The following CLVS1 variants were observed in gnomAD, a reference collection of about 807,000 sequenced individuals.
CLVS1 encodes clavesin-1.
A neutral mutation model predicts 33.1 loss-of-function variants in CLVS1; 10 were observed. That is an observed-to-expected ratio of 0.30 (90% CI 0.19 to 0.51). CLVS1 has a LOEUF of 0.51. CLVS1 is among the 20% of genes least tolerant of loss of function. The pLI is 0.97. For missense variants in CLVS1, 343 were observed against 433.4 expected, an observed-to-expected ratio of 0.79 and a Z score of 1.85; for synonymous variants, 163 against 166.1, an observed-to-expected ratio of 0.98 and a Z score of 0.14.
chr8:60,966,962 T>G, the CLVS1 span, among the ~76,000 whole-genome samples: 1 of 152,164 alleles, frequency 6.6e-6, no homozygotes, highest in East Asian at 1.9e-4. Context: ...GTTATGATAA[T>G]TAACATGCCA....
At chr8:60,986,698 G>A in the CLVS1 span, among the ~76,000 whole-genome samples, 2 of 152,222 alleles carry the variant, frequency 1.3e-5, no homozygotes, top group African/African-American at 4.8e-5. Context: ...CAACATTTAT[G>A]TATATGCTTG....
At chr8:61,073,528 C>G (rs1804840682) in intron 1 of CLVS1, among the ~76,000 whole-genome samples, 1 of 152,150 alleles carries the variant, frequency 6.6e-6, no homozygotes, top group Non-Finnish European at 1.5e-5. Context: ...TTCACTTATT[C>G]TTTCCCCATT....
At chr8:61,495,183 A>T (rs959801329) in intron 5 of CLVS1, among the ~76,000 whole-genome samples, 1 of 152,018 alleles carries the variant, frequency 6.6e-6, no homozygotes, top group Non-Finnish European at 1.5e-5. Context: ...GTGAAAGATA[A>T]TTTTTTTCTT....
At chr8:61,063,296 A>AGAGAGAGAGAGG (rs2129278328) in intron 1 of CLVS1, among the ~76,000 whole-genome samples, 1 of 94,740 alleles carries the variant, frequency 1.1e-5, no homozygotes, top group East Asian at 3.0e-4. Context: ...AGAGAGAGAT[A>AGAGAGAGAGAGG]GAGAGAGAGA....
At chr8:61,447,541 T>C (rs935295794) in intron 3 of CLVS1, among the ~76,000 whole-genome samples, 5 of 151,956 alleles carry the variant, frequency 3.3e-5, no homozygotes, top group Non-Finnish European at 7.4e-5. Context: ...TAAATATATC[T>C]TTTCATGTAG....
At chr8:61,070,883 T>C (rs570665374) in intron 1 of CLVS1, among the ~76,000 whole-genome samples, 7 of 152,328 alleles carry the variant, frequency 4.6e-5, no homozygotes, top group Admixed American at 2.6e-4. Context: ...GGAGCACCTA[T>C]GAGTCTCAAA....
chr8:61,437,886 T>G (rs1329519553), intron 3 of CLVS1, among the ~76,000 whole-genome samples: 1 of 152,214 alleles, frequency 6.6e-6, no homozygotes, highest in African/African-American at 2.4e-5. Context: ...TACTGATGTG[T>G]AGAATTTAAA....
At chr8:61,216,064 C>T (rs780238096) in intron 2 of CLVS1, among the ~76,000 whole-genome samples, 27 of 152,150 alleles carry the variant, frequency 1.8e-4, no homozygotes, top group South Asian at 2.1e-4. Context: ...ATCCGCTTGC[C>T]TTCACTTTCT....
the CLVS1 span, among the ~76,000 whole-genome samples, chr8:60,968,533 A>T: frequency 6.6e-6 from 1 of 151,350 alleles, no homozygotes; most frequent in South Asian, 2.1e-4. Context: ...AAAAAAAATC[A>T]AATTTATAAC....
At chr8:61,098,012 A>T (rs1805383363) in intron 1 of CLVS1, among the ~76,000 whole-genome samples, 1 of 152,188 alleles carries the variant, frequency 6.6e-6, no homozygotes, top group Admixed American at 6.5e-5. Flanking sequence ...AAAAAAAATT[A>T]TCCAGGTATG....
intron 3 of CLVS1, among the ~76,000 whole-genome samples, chr8:61,421,749 A>G (rs1280449100): frequency 6.6e-6 from 1 of 152,202 alleles, no homozygotes; most frequent in East Asian, 1.9e-4. Flanking sequence ...TGGAAATAAA[A>G]CAATGACATG....
At chr8:61,457,459 C>T (rs1301661770) in intron 4 of CLVS1, among the ~76,000 whole-genome samples, 2 of 152,094 alleles carry the variant, frequency 1.3e-5, no homozygotes, top group Non-Finnish European at 2.9e-5. Context: ...ATTCATGTCT[C>T]ATCCACTTTG....
intron 3 of CLVS1, among the ~76,000 whole-genome samples, chr8:61,451,885 C>A (rs1212836434): frequency 2.0e-5 from 3 of 151,654 alleles, no homozygotes; most frequent in African/African-American, 4.9e-5. Context: ...CAAGAAGACC[C>A]AGAACATCTG....
chr8:61,457,246 A>G (rs568184903), intron 4 of CLVS1, among the ~76,000 whole-genome samples: 2 of 152,168 alleles, frequency 1.3e-5, no homozygotes, highest in Non-Finnish European at 1.5e-5. Flanking sequence ...CCACGTTTAT[A>G]TTTCATCATG....
At chr8:60,987,170 G>A in the CLVS1 span, among the ~76,000 whole-genome samples, 1 of 152,190 alleles carries the variant, frequency 6.6e-6, no homozygotes, top group Non-Finnish European at 1.5e-5. Flanking sequence ...GATGCCCAGG[G>A]TACTGGAGGA....
chr8:60,975,701 T>G, the CLVS1 span, among the ~76,000 whole-genome samples: 1 of 152,196 alleles, frequency 6.6e-6, no homozygotes, highest in Non-Finnish European at 1.5e-5. Flanking sequence ...TCGTGTTAAT[T>G]TTTTATGACA....
At chr8:61,399,283 G>A (rs1320799921) in intron 3 of CLVS1, among the ~76,000 whole-genome samples, 1 of 152,134 alleles carries the variant, frequency 6.6e-6, no homozygotes, top group Non-Finnish European at 1.5e-5. Context: ...CTTCTCTAAT[G>A]ATCAGTGATG....
chr8:61,373,319 C>A (rs1440587234), intron 2 of CLVS1, among the ~76,000 whole-genome samples: 1 of 152,206 alleles, frequency 6.6e-6, no homozygotes, highest in African/African-American at 2.4e-5. Flanking sequence ...CCCAGTTTCT[C>A]TGGAAAAGTA....
intron 2 of CLVS1, among the ~76,000 whole-genome samples, chr8:61,333,852 C>G (rs1260263126): frequency 6.6e-6 from 1 of 152,124 alleles, no homozygotes; most frequent in Non-Finnish European, 1.5e-5. Flanking sequence ...TCTCCCTCCT[C>G]CCAACCTCCA....
Sources: gnomAD v4.1 joint callset for allele counts (sites outside exome capture counted in the v4.1 genomes callset) on GRCh38, gnomAD v4.1.1 for gene constraint, MANE v1.5 for transcripts, NCBI Gene and HGNC (gene_info 2026-07-23, HGNC 2026-07-21) for gene names.